Variants in ARHGAP24 observed in about 807,000 individuals in gnomAD.
ARHGAP24 encodes rho GTPase-activating protein 24.
A neutral mutation model predicts 76.4 loss-of-function variants in ARHGAP24; 50 were observed. The observed-to-expected ratio is 0.65, with a 90% CI of 0.52 to 0.83. The LOEUF (loss-of-function observed/expected upper bound fraction) is 0.83, where lower values mean the gene tolerates loss of function less well. Among genes scored for constraint, ARHGAP24 ranks in the 40% least tolerant of loss-of-function variants. The pLI, the probability that ARHGAP24 is intolerant of heterozygous loss-of-function variation, is 0.00. For synonymous variants in ARHGAP24, 345 were observed against 323.3 expected, an observed-to-expected ratio of 1.07 and a Z score of -0.72; for missense variants, 930 against 914.2, an observed-to-expected ratio of 1.02 and a Z score of -0.22.
At chr4:85,888,054 A>G (rs1294246234) in intron 3 of ARHGAP24, among the ~76,000 whole-genome samples, 6 of 152,070 alleles carry the variant, frequency 3.9e-5, no homozygotes, top group Non-Finnish European at 1.5e-5. Context: ...TCAGAAATTC[A>G]AATGAGGCCT....
chr4:85,750,745 A>C (rs896958911), intron 3 of ARHGAP24, among the ~76,000 whole-genome samples: 2 of 151,548 alleles, frequency 1.3e-5, no homozygotes, highest in African/African-American at 4.9e-5. Flanking sequence ...TGATCCACCC[A>C]CCTCAGCCTC....
At chr4:85,630,953 A>G (rs72656212) in intron 2 of ARHGAP24, among the ~76,000 whole-genome samples, 1,816 of 152,026 alleles carry the variant, frequency 0.012, 20 homozygotes, top group Non-Finnish European at 0.014. Context: ...TTGTTCTTTA[A>G]TAGTACTTAT....
chr4:85,683,995 T>C (rs922827302), intron 2 of ARHGAP24, among the ~76,000 whole-genome samples: 6 of 152,370 alleles, frequency 3.9e-5, no homozygotes, highest in African/African-American at 1.4e-4. Context: ...AGTTCATATG[T>C]TGATGGGCAC....
chr4:85,991,246 GT>G (rs1740302340), intron 8 of ARHGAP24: 1 of 152,068 alleles, frequency 6.6e-6, no homozygotes, highest in Admixed American at 6.6e-5. Flanking sequence ...AATATACCAA[GT>G]TTGGCTGCTA....
intron 3 of ARHGAP24, among the ~76,000 whole-genome samples, chr4:85,921,810 T>C (rs947661019): frequency 1.3e-5 from 2 of 152,124 alleles, no homozygotes; most frequent in African/African-American, 2.4e-5. Flanking sequence ...GCAAACCCTG[T>C]TGTGAACTGC....
At chr4:85,997,353 T>G (rs1337701238) in intron 9 of ARHGAP24, among the ~76,000 whole-genome samples, 1 of 136,448 alleles carries the variant, frequency 7.3e-6, no homozygotes, top group African/African-American at 3.7e-5. Context: ...GAGAGATAGA[T>G]AATAGATAGA....
At position 85,668,756 on chromosome 4, in the gene ARHGAP24, G is replaced by A. The variant is rs78186758; in HGVS notation, c.181-53129G>A. On this transcript the variant is annotated intron_variant, in intron 2 of 9. Coordinates refer to ENST00000395184, the MANE Select transcript of ARHGAP24 (RefSeq NM_001025616.3). ...CTCATGATCCAATCCACGTTAAAGA[G>A]TTGGAACTTGACCCAGAGAACAATG... Among the ~76,000 whole-genome samples, 611 of 152,284 alleles carry A rather than the reference G, an allele frequency of 4.0e-3. 1 individual carries two copies. Among genetic ancestry groups the A allele is most frequent in the African/African-American group, 0.014 (567 of 41,574 alleles).
chr4:85,621,983 A>T (rs954549199), intron 2 of ARHGAP24, among the ~76,000 whole-genome samples: 1 of 151,674 alleles, frequency 6.6e-6, no homozygotes, highest in African/African-American at 2.4e-5. Flanking sequence ...GTAGGTGTTT[A>T]TTGCTTCTCG....
At chr4:85,555,058 G>A (rs1461102422) in intron 1 of ARHGAP24, among the ~76,000 whole-genome samples, 1 of 152,106 alleles carries the variant, frequency 6.6e-6, no homozygotes, top group Non-Finnish European at 1.5e-5. Context: ...TCTTGGATTG[G>A]GTTTTGACTT....
intron 3 of ARHGAP24, among the ~76,000 whole-genome samples, chr4:85,768,067 T>A (rs1026139828): frequency 6.6e-6 from 1 of 152,202 alleles, no homozygotes; most frequent in Non-Finnish European, 1.5e-5. Context: ...ATAGACTGTT[T>A]ATATGCGGCT....
At chr4:85,514,674 TCTGA>T (rs1406760912) in intron 1 of ARHGAP24, among the ~76,000 whole-genome samples, 2 of 151,940 alleles carry the variant, frequency 1.3e-5, no homozygotes, top group Non-Finnish European at 2.9e-5. Flanking sequence ...CCACCTTTGT[TCTGA>T]CTTTCCAAGA....
At chr4:85,520,304 G>A (rs1724687296) in intron 1 of ARHGAP24, among the ~76,000 whole-genome samples, 1 of 152,100 alleles carries the variant, frequency 6.6e-6, no homozygotes, top group African/African-American at 2.4e-5. Flanking sequence ...AGTCATGAGA[G>A]ACACTGATGG....
intron 1 of ARHGAP24, among the ~76,000 whole-genome samples, chr4:85,495,572 T>C (rs1429608300): frequency 6.6e-6 from 1 of 151,840 alleles, no homozygotes; most frequent in Non-Finnish European, 1.5e-5. Context: ...AGGATGGGTC[T>C]CAATCTCCTT....
chr4:85,764,214 C>A (rs530703452), intron 3 of ARHGAP24, among the ~76,000 whole-genome samples: 3 of 151,928 alleles, frequency 2.0e-5, no homozygotes, highest in African/African-American at 7.2e-5. Context: ...ATTTTTACCT[C>A]TTCATACTCA....
At chr4:85,698,061 G>A (rs1437755434) in intron 2 of ARHGAP24, among the ~76,000 whole-genome samples, 1 of 152,198 alleles carries the variant, frequency 6.6e-6, no homozygotes, top group East Asian at 1.9e-4. Context: ...GAGAGGAAGG[G>A]AGAAGTGGGA....
intron 3 of ARHGAP24, among the ~76,000 whole-genome samples, chr4:85,860,798 A>T (rs544107151): frequency 1.3e-5 from 2 of 152,008 alleles, no homozygotes; most frequent in Admixed American, 6.6e-5. Flanking sequence ...CACTTTTCCT[A>T]CTCATCATAT....
intron 1 of ARHGAP24, among the ~76,000 whole-genome samples, chr4:85,496,747 G>A (rs986692192): frequency 6.6e-6 from 1 of 152,198 alleles, no homozygotes. Context: ...ATTTTCACAC[G>A]AGTTTTGTAG....
At position 85,605,273 on chromosome 4, in the gene ARHGAP24, A is replaced by G. The variant is rs576720090; in HGVS notation, c.180+34552A>G. ...GAAAATGTATTTTTAATCATAATAT[A>G]TTGACATAGCTTTAGGGAAATATAT... On this transcript the variant is annotated intron_variant, in intron 2 of 9. Transcript: ENST00000395184. Among the ~76,000 whole-genome samples the G allele has an allele frequency of 2.6e-5, 4 of 152,316 alleles. No homozygotes were observed. In the East Asian group the frequency reaches 5.8e-4, roughly 22 times the overall value.
intron 2 of ARHGAP24, among the ~76,000 whole-genome samples, chr4:85,626,964 G>C (rs891793728): frequency 3.3e-5 from 5 of 152,074 alleles, no homozygotes; most frequent in Non-Finnish European, 5.9e-5. Flanking sequence ...GGTTATTCTA[G>C]TTATCCATTC....
Sources: allele counts gnomAD v4.1 joint callset (sites outside exome capture counted in the v4.1 genomes callset), GRCh38; gene constraint gnomAD v4.1.1; transcripts MANE v1.5; gene names NCBI Gene and HGNC (gene_info 2026-07-23, HGNC 2026-07-21).